The following PITPNC1 variants were observed in gnomAD, a reference collection of about 807,000 sequenced individuals.
The protein encoded by PITPNC1 is cytoplasmic phosphatidylinositol transfer protein 1.
A neutral mutation model predicts 44.7 loss-of-function variants in PITPNC1; 18 were observed. That is an observed-to-expected ratio of 0.40 (90% CI 0.28 to 0.60). PITPNC1 has a LOEUF of 0.60. PITPNC1 is among the 20% of genes least tolerant of loss of function. The probability of loss-of-function intolerance (pLI) is 0.39; values close to 1 mark genes in which losing one functional copy is unlikely to be tolerated. For synonymous variants in PITPNC1, 141 were observed against 149.6 expected, an observed-to-expected ratio of 0.94 and a Z score of 0.42; for missense variants, 290 against 418.4, an observed-to-expected ratio of 0.69 and a Z score of 2.68.
chr17:67,602,517 A>G (rs1481592984), intron 5 of PITPNC1, among the ~76,000 whole-genome samples: 3 of 152,324 alleles, frequency 2.0e-5, no homozygotes, highest in South Asian at 2.1e-4. Context: ...TGGGCTGCCC[A>G]TGTGGACACT....
At chr17:67,611,073 C>G (rs967633393) in intron 5 of PITPNC1, among the ~76,000 whole-genome samples, 2 of 151,976 alleles carry the variant, frequency 1.3e-5, no homozygotes, top group African/African-American at 4.8e-5. Context: ...TTCAACATAC[C>G]TGGTGTTCAG....
At chr17:67,671,140 C>G (rs1243955180) in intron 7 of PITPNC1, among the ~76,000 whole-genome samples, 2 of 152,176 alleles carry the variant, frequency 1.3e-5, no homozygotes, top group Non-Finnish European at 2.9e-5. Flanking sequence ...TCTGCCTCGG[C>G]CTCCCAAAGT....
At chr17:67,526,086 C>CAA (rs1392594039) in intron 1 of PITPNC1, among the ~76,000 whole-genome samples, 14 of 152,176 alleles carry the variant, frequency 9.2e-5, no homozygotes, top group Non-Finnish European at 1.2e-4. Flanking sequence ...GCCATGGTTC[C>CAA]CGCTGTTCAC....
At chr17:67,492,528 G>T (rs1258663411) in intron 1 of PITPNC1, among the ~76,000 whole-genome samples, 1 of 152,134 alleles carries the variant, frequency 6.6e-6, no homozygotes, top group Non-Finnish European at 1.5e-5. Context: ...CTGGCATCCA[G>T]AACTGTGAGC....
At chr17:67,390,526 T>C (rs1156860582) in intron 1 of PITPNC1, among the ~76,000 whole-genome samples, 1 of 152,218 alleles carries the variant, frequency 6.6e-6, no homozygotes, top group Non-Finnish European at 1.5e-5. Flanking sequence ...AGAATACACA[T>C]TCAGGAGGAG....
chr17:67,683,162 CAAAAAAAAAAAAAA>C (rs901577194), intron 8 of PITPNC1, among the ~76,000 whole-genome samples: 1 of 41,528 alleles, frequency 2.4e-5, no homozygotes, highest in African/African-American at 7.4e-5. Context: ...AACTGAGTCT[CAAAAAAAAAAAAAA>C]AAAAAAAAAA....
chr17:67,418,659 C>G (rs1310268760), intron 1 of PITPNC1, among the ~76,000 whole-genome samples: 1 of 152,000 alleles, frequency 6.6e-6, no homozygotes, highest in Non-Finnish European at 1.5e-5. Flanking sequence ...CTCCTGGGTT[C>G]TAGCTATTCT....
At chr17:67,578,330 C>A in intron 5 of PITPNC1, 73 bp downstream of exon 5, 13 of 1,030,816 alleles carry the variant, frequency 1.3e-5, no homozygotes, top group Non-Finnish European at 1.5e-5. Context: ...CACAGCCCCT[C>A]TGTGACCAGG....
At chr17:67,669,853 C>T (rs547299897) in intron 7 of PITPNC1, among the ~76,000 whole-genome samples, 190 bp downstream of exon 7, 4 of 152,224 alleles carry the variant, frequency 2.6e-5, no homozygotes, top group Admixed American at 2.6e-4. Context: ...GGGTAGATCA[C>T]TTGAGGCCAA....
chr17:67,669,726 G>A (rs1371685577), intron 7 of PITPNC1, 63 bp downstream of exon 7: 1 of 1,199,936 alleles, frequency 8.3e-7, no homozygotes, highest in African/African-American at 1.5e-5. Flanking sequence ...TGCCAAATTG[G>A]AGTCCATGAT....
At chr17:67,422,406 A>T (rs1156837281) in intron 1 of PITPNC1, among the ~76,000 whole-genome samples, 5 of 152,052 alleles carry the variant, frequency 3.3e-5, no homozygotes, top group Admixed American at 2.6e-4. Context: ...TTATTTTTTA[A>T]AATAGAGATG....
At chr17:67,458,370 C>G (rs1243791235) in intron 1 of PITPNC1, among the ~76,000 whole-genome samples, 2 of 152,214 alleles carry the variant, frequency 1.3e-5, no homozygotes, top group African/African-American at 2.4e-5. Context: ...TTTTATGCCT[C>G]ATTGACCTCT....
rs146733742 is a variant in PITPNC1 at position 67,413,972 on chromosome 17, T to A, written c.48+35770T>A. On this transcript the variant is annotated intron_variant, in intron 1 of 8. Transcript: ENST00000581322. Reference sequence around the variant, plus strand: ...GGGATTTATTGGTATTGCTACTTGATTGTAAACACTCCCCTGGAAATGCTG... The same window carrying A: ...GGGATTTATTGGTATTGCTACTTGAATGTAAACACTCCCCTGGAAATGCTG... Among the ~76,000 whole-genome samples, 814 of 152,264 alleles carry A rather than the reference T, an allele frequency of 5.3e-3. 8 individuals carry two copies. Among genetic ancestry groups the A allele is most frequent in the Admixed American group, 8.8e-3 (135 of 15,286 alleles).
intron 5 of PITPNC1, among the ~76,000 whole-genome samples, chr17:67,591,726 G>T (rs2041393862): frequency 6.6e-6 from 1 of 151,656 alleles, no homozygotes; most frequent in Non-Finnish European, 1.5e-5. Context: ...AAATTTTTTT[G>T]GGAGACAGGG....
chr17:67,440,983 C>T (rs1213383546), intron 1 of PITPNC1, among the ~76,000 whole-genome samples: 1 of 152,114 alleles, frequency 6.6e-6, no homozygotes, highest in East Asian at 1.9e-4. Flanking sequence ...TTAAGATCCC[C>T]AGGCGATGCA....
intron 8 of PITPNC1, among the ~76,000 whole-genome samples, chr17:67,685,409 C>G (rs1169879894): frequency 1.3e-5 from 2 of 152,188 alleles, no homozygotes; most frequent in Non-Finnish European, 2.9e-5. Flanking sequence ...GGTCCCAGAC[C>G]ACAGTGAATT....
chr17:67,403,454 A>C (rs1425607598), intron 1 of PITPNC1, among the ~76,000 whole-genome samples: 1 of 152,178 alleles, frequency 6.6e-6, no homozygotes, highest in Non-Finnish European at 1.5e-5. Context: ...GGTGAAGCCA[A>C]CTTTTTTAGT....
chr17:67,436,919 T>TTG (rs2038946046), intron 1 of PITPNC1, among the ~76,000 whole-genome samples: 1 of 124,926 alleles, frequency 8.0e-6, no homozygotes, highest in Admixed American at 7.8e-5. Flanking sequence ...TTTTTTTTTT[T>TTG]TTTTTTTTTT....
chr17:67,472,002 T>A (rs1223206076), intron 1 of PITPNC1, among the ~76,000 whole-genome samples: 1 of 152,108 alleles, frequency 6.6e-6, no homozygotes, highest in African/African-American at 2.4e-5. Flanking sequence ...TTTTGTAGGA[T>A]GTCCCTCAAT....
Sources: allele counts gnomAD v4.1 joint callset (sites outside exome capture counted in the v4.1 genomes callset), GRCh38; gene constraint gnomAD v4.1.1; transcripts MANE v1.5; gene names NCBI Gene and HGNC (gene_info 2026-07-23, HGNC 2026-07-21).